The following CCDC148 variants were observed in gnomAD, a reference collection of about 807,000 sequenced individuals.
CCDC148 encodes the protein coiled-coil domain-containing protein 148.
In CCDC148, 89 loss-of-function variants were observed where a neutral mutation model predicts 85.7. That is an observed-to-expected ratio of 1.04 (90% CI 0.87 to 1.24). CCDC148 has a LOEUF of 1.24. Ranked by LOEUF, CCDC148 falls within the 50% of genes most tolerant of loss-of-function variation. The pLI is 0.00. For missense variants in CCDC148, 692 were observed against 671.7 expected (o/e 1.03, Z -0.33); for synonymous variants, 230 against 213.9 (o/e 1.08, Z -0.66).
chr2:158,248,058 C>G (rs546459692), intron 10 of CCDC148, among the ~76,000 whole-genome samples: 2 of 152,144 alleles, frequency 1.3e-5, no homozygotes, highest in Admixed American at 6.5e-5. Context: ...TCCTAATGCT[C>G]TCCCTCCCCT....
chr2:158,456,555 TGACGCCA>T lies in CCDC148; in HGVS notation c.-123_-117del, dbSNP rs1029193945. ...CTAAGGGCTCAGCTGTTCCTACCTT[TGACGCCA>T]GGGACAAACCCTACCAGGCACAGTT... is the stretch of plus-strand genomic sequence containing the variant. On this transcript the variant is annotated 5_prime_UTR_variant, in exon 1 of 14. Coordinates refer to ENST00000283233, the MANE Select transcript of CCDC148 (RefSeq NM_138803.4). 3.6e-5 allele frequency: 48 copies of T among 1,319,778 alleles called. No homozygotes were observed. In the African/African-American group the frequency reaches 6.4e-4, roughly 18 times the overall value. The allele number at this position is 1,319,778 out of a possible 1,614,324, so 81.8% of individuals were successfully genotyped here.
At chr2:158,285,534 CTT>C (rs554409769) in intron 9 of CCDC148, among the ~76,000 whole-genome samples, 19 of 143,812 alleles carry the variant, frequency 1.3e-4, no homozygotes, top group African/African-American at 1.5e-4. Flanking sequence ...AAGGTAACTA[CTT>C]TTTTTTTTTT....
chr2:158,240,452 T>TCTCTCTCACACACA (rs941238898), intron 10 of CCDC148, among the ~76,000 whole-genome samples: 3,868 of 120,370 alleles, frequency 0.032, 112 homozygotes, highest in Admixed American at 0.1. Flanking sequence ...TCTCTCTCTC[T>TCTCTCTCACACACA]CACACACACA....
chr2:158,261,167 A>G (rs1174305437), intron 9 of CCDC148, among the ~76,000 whole-genome samples: 1 of 152,134 alleles, frequency 6.6e-6, no homozygotes, highest in Non-Finnish European at 1.5e-5. Flanking sequence ...GTACAAAAAC[A>G]GGCACATAAA....
chr2:158,340,784 G>T (rs1682645629), intron 3 of CCDC148, 104 bp from the exon 4 acceptor site: 1 of 688,768 alleles, frequency 1.5e-6, no homozygotes. Context: ...TTTGTCATCT[G>T]TTCATTTAAA....
chr2:158,363,825 A>G (rs1684076378), intron 1 of CCDC148, among the ~76,000 whole-genome samples: 1 of 152,182 alleles, frequency 6.6e-6, no homozygotes, highest in African/African-American at 2.4e-5. Flanking sequence ...GCAATTAGGC[A>G]GGAGAAAGAA....
intron 1 of CCDC148, among the ~76,000 whole-genome samples, chr2:158,453,629 C>CA (rs1688492292): frequency 6.6e-6 from 1 of 152,184 alleles, no homozygotes; most frequent in South Asian, 2.1e-4. Flanking sequence ...ACAAGAGACT[C>CA]AGTGCTCCTG....
chr2:158,389,231 A>G (rs1411466698), intron 1 of CCDC148, among the ~76,000 whole-genome samples: 1 of 152,214 alleles, frequency 6.6e-6, no homozygotes, highest in East Asian at 1.9e-4. Flanking sequence ...TTTGTATAAC[A>G]TAATATATTT....
At chr2:158,310,460 G>A (rs978256337) in intron 8 of CCDC148, among the ~76,000 whole-genome samples, 4 of 152,070 alleles carry the variant, frequency 2.6e-5, no homozygotes, top group South Asian at 2.1e-4. Flanking sequence ...ACAGGGTGGC[G>A]GCCGGGCAGA....
chr2:158,363,568 T>C (rs1029137956), intron 1 of CCDC148, among the ~76,000 whole-genome samples: 5 of 152,144 alleles, frequency 3.3e-5, no homozygotes, highest in African/African-American at 4.8e-5. Context: ...ATAAACCATA[T>C]GATTATCTCA....
At chr2:158,403,081 T>G (rs1362717624) in intron 1 of CCDC148, among the ~76,000 whole-genome samples, 1 of 152,124 alleles carries the variant, frequency 6.6e-6, no homozygotes, top group Admixed American at 6.6e-5. Flanking sequence ...GAGAAAGGTC[T>G]GAAGATGCAG....
Position 158,385,009 on chromosome 2 carries a change from GAAGGTCC to G in CCDC148, c.26-26446_26-26440del, listed in dbSNP as rs1293413398. Among the ~76,000 whole-genome samples, 8 of 152,230 alleles carry G rather than the reference GAAGGTCC, an allele frequency of 5.3e-5. No individual in the cohort carries two copies. In the South Asian group the frequency reaches 1.5e-3, roughly 28 times the overall value. ...TTCAGTTACTTGCAGCTATTGGACT[GAAGGTCC>G]CCCCACTTCCTTGCTCACCATCAGT... On this transcript the variant is annotated intron_variant, in intron 1 of 13. Transcript: ENST00000283233.
At chr2:158,454,739 T>C (rs1573853412) in intron 1 of CCDC148, among the ~76,000 whole-genome samples, 1 of 152,250 alleles carries the variant, frequency 6.6e-6, no homozygotes, top group Admixed American at 6.5e-5. Flanking sequence ...CTGAATAGCA[T>C]GAACTTTTAG....
chr2:158,308,973 G>A (rs911768246), intron 9 of CCDC148, among the ~76,000 whole-genome samples: 4 of 152,098 alleles, frequency 2.6e-5, no homozygotes, highest in Non-Finnish European at 5.9e-5. Context: ...CCAACACTTC[G>A]CTGAGGACTC....
In CCDC148 at chr2:158,405,687, G is replaced by C. The variant is rs187408676; in HGVS notation, c.26-47117C>G. ...TAAACATTAAAGAACAGTTCAATAA[G>C]ATTGGATCGTGGTTTCAAAATTCCT... On this transcript the variant is annotated intron_variant, in intron 1 of 13. Coordinates refer to ENST00000283233, the MANE Select transcript of CCDC148 (RefSeq NM_138803.4). 1.3e-5 allele frequency among the ~76,000 whole-genome samples: 2 copies of C among 152,256 alleles called. 1 individual carries two copies. The highest frequency in any genetic ancestry group is 3.9e-4 in the East Asian group (2 of 5,176).
At chr2:158,210,594 GA>G (rs1412648111) in intron 11 of CCDC148, among the ~76,000 whole-genome samples, 1 of 151,886 alleles carries the variant, frequency 6.6e-6, no homozygotes, top group Non-Finnish European at 1.5e-5. Flanking sequence ...CAAAAGAACA[GA>G]AATCATAACA....
chr2:158,331,767 T>C (rs1693140739), intron 7 of CCDC148, among the ~76,000 whole-genome samples: 1 of 152,192 alleles, frequency 6.6e-6, no homozygotes, highest in Non-Finnish European at 1.5e-5. Flanking sequence ...GTAATCACCT[T>C]CTTTGTCTCT....
At chr2:158,406,721 C>A (rs1198694860) in intron 1 of CCDC148, among the ~76,000 whole-genome samples, 1 of 147,344 alleles carries the variant, frequency 6.8e-6, no homozygotes, top group African/African-American at 2.5e-5. Flanking sequence ...CTCTCAGACT[C>A]AGGTGATCCT....
intron 9 of CCDC148, among the ~76,000 whole-genome samples, chr2:158,254,579 T>C (rs1559021021): frequency 6.6e-6 from 1 of 151,554 alleles, no homozygotes; most frequent in Non-Finnish European, 1.5e-5. Flanking sequence ...TGCAAAGAGA[T>C]TTATATAATC....
Sources: allele counts gnomAD v4.1 joint callset (sites outside exome capture counted in the v4.1 genomes callset), GRCh38; gene constraint gnomAD v4.1.1; transcripts MANE v1.5; gene names NCBI Gene and HGNC (gene_info 2026-07-23, HGNC 2026-07-21).